STX5: variants seen among roughly 807,000 people sequenced by gnomAD.
STX5 encodes syntaxin 5.
STX5 carries 15 observed loss-of-function variants against 42.9 expected under a neutral mutation model. The ratio of observed to expected loss-of-function variants is 0.35; its 90% CI spans 0.23 to 0.54. The LOEUF (loss-of-function observed/expected upper bound fraction) is 0.54, where lower values mean the gene tolerates loss of function less well. Ranked by LOEUF, STX5 falls within the 20% of genes least tolerant of loss-of-function variation. The pLI, the probability that STX5 is intolerant of heterozygous loss-of-function variation, is 0.91. For synonymous variants in STX5, 184 were observed against 173.2 expected (o/e 1.06, Z -0.49); for missense variants, 430 against 455.0 (o/e 0.95, Z 0.50).
intron 10 of STX5, 85 bp from the exon 11 acceptor site, chr11:62,807,713 G>A: frequency 6.4e-7 from 1 of 1,564,238 alleles, no homozygotes; most frequent in Non-Finnish European, 8.7e-7. Context: ...GACATGGAAA[G>A]ATGGTCACAA....
chr11:62,831,090 G>A lies in STX5; in HGVS notation c.154C>T (p.Pro52Ser). 6.4e-7 allele frequency: 1 copy of A among 1,555,908 alleles called. No individual in the cohort carries two copies. The highest frequency in any genetic ancestry group is 8.7e-7 in the Non-Finnish European group (1 of 1,150,080). Residue 52 changes from proline (P) to serine (S), a missense_variant, in exon 2 of 11, where the codon CCC (proline) becomes TCC (serine). By Grantham distance (74) the Pro-to-Ser change is moderately conservative (BLOSUM62 -1). Transcript: ENST00000294179. Reference sequence around the variant, plus strand: ...CGATCCCGGCAGGACATGGTGTCGGGAGGGGGAGGGACGAGGGTCACTGGG... The same window carrying A: ...CGATCCCGGCAGGACATGGTGTCGGAAGGGGGAGGGACGAGGGTCACTGGG... ...PPPVTLVPPP[P>S]DTMSCRDRTQ...
chr11:62,824,060 T>C, intron 10 of STX5, 106 bp downstream of exon 10: 1 of 1,557,268 alleles, frequency 6.4e-7, no homozygotes. Context: ...GTGGGCAGAA[T>C]TCACTCTATC....
At chr11:62,819,194 CTGGG>C (rs2084709941) in intron 10 of STX5, among the ~76,000 whole-genome samples, 1 of 110,372 alleles carries the variant, frequency 9.1e-6, no homozygotes, top group Admixed American at 1.3e-4. Flanking sequence ...GTACTCCAGC[CTGGG>C]CAACAGAGTG....
intron 10 of STX5, among the ~76,000 whole-genome samples, chr11:62,814,399 G>A (rs2084650129): frequency 6.6e-6 from 1 of 151,964 alleles, no homozygotes; most frequent in Non-Finnish European, 1.5e-5. Context: ...GACCTTAGGT[G>A]ATCCACCCAC....
intron 10 of STX5, among the ~76,000 whole-genome samples, chr11:62,808,506 T>C (rs2084578960): frequency 6.6e-6 from 1 of 151,860 alleles, no homozygotes; most frequent in South Asian, 2.1e-4. Flanking sequence ...CCCAGCACTT[T>C]GGTAGGCCCA....
chr11:62,829,696 C>CA (rs1367272126), intron 2 of STX5, among the ~76,000 whole-genome samples: 1 of 151,772 alleles, frequency 6.6e-6, no homozygotes, highest in Non-Finnish European at 1.5e-5. Flanking sequence ...CCCAGGAGGT[C>CA]AGATGTTGCA....
chr11:62,810,251 G>A (rs1460044137), intron 10 of STX5, among the ~76,000 whole-genome samples: 2 of 152,064 alleles, frequency 1.3e-5, no homozygotes, highest in African/African-American at 2.4e-5. Context: ...AGAACAGCCT[G>A]GGGAATATAG....
intron 10 of STX5, among the ~76,000 whole-genome samples, chr11:62,821,782 C>T (rs981270998): frequency 2.0e-5 from 3 of 151,970 alleles, no homozygotes; most frequent in Non-Finnish European, 2.9e-5. Context: ...AATCCCAGCA[C>T]TTTGGGAAGC....
rs918062234 is a variant in STX5, at chr11:62,824,636, T to G, written c.680-71A>C. ...GGTTCAAAGCCCACATGCTCTGGGT[T>G]TGAATCCCAGCTCTAGCACTTACTA... On this transcript the variant is annotated intron_variant, in intron 8 of 10. Transcript: ENST00000294179. 29 of 1,458,300 alleles carry G rather than the reference T, an allele frequency of 2.0e-5. No individual in the cohort carries two copies. The African/African-American group carries it at 3.6e-4, about 18-fold the overall frequency. 90.3% of individuals were successfully genotyped at this position (1,458,300 alleles called of 1,614,324 possible).
At chr11:62,808,758 T>C (rs1359456305) in intron 10 of STX5, among the ~76,000 whole-genome samples, 3 of 152,188 alleles carry the variant, frequency 2.0e-5, no homozygotes, top group Non-Finnish European at 4.4e-5. Context: ...AGTTAGCACC[T>C]TGAACAAGTG....
chr11:62,814,919 T>C (rs2084657076), intron 10 of STX5, among the ~76,000 whole-genome samples: 1 of 152,058 alleles, frequency 6.6e-6, no homozygotes, highest in Admixed American at 6.5e-5. Context: ...TAAAAAGCTA[T>C]TAAACAGTTT....
intron 10 of STX5, among the ~76,000 whole-genome samples, chr11:62,814,310 C>T (rs992229327): frequency 6.6e-6 from 1 of 152,114 alleles, no homozygotes; most frequent in Admixed American, 6.6e-5. Flanking sequence ...GCATTACAGG[C>T]ATGCACCACC....
At chr11:62,820,866 T>C (rs761213519) in intron 10 of STX5, among the ~76,000 whole-genome samples, 14 of 152,200 alleles carry the variant, frequency 9.2e-5, no homozygotes, top group African/African-American at 1.2e-4. Context: ...TTTGAATTAA[T>C]TGAAATTTTG....
At chr11:62,827,259 G>A in intron 4 of STX5, 34 bp from the exon 5 acceptor site, 2 of 1,613,960 alleles carry the variant, frequency 1.2e-6, no homozygotes, top group East Asian at 2.2e-5. Context: ...CAATGGGTGA[G>A]GTCAAGGACA....
chr11:62,808,436 A>AGG (rs2084577655), intron 10 of STX5, among the ~76,000 whole-genome samples: 2 of 146,248 alleles, frequency 1.4e-5, no homozygotes, highest in African/African-American at 5.4e-5. Context: ...TCAGGGGGAA[A>AGG]AAAAAAAAAA....
rs535914345 is a variant in STX5, at chr11:62,831,494, G to C, written c.-19-232C>G. On this transcript the variant is annotated intron_variant, in intron 1 of 10. Transcript: ENST00000294179. Reference sequence around the variant, plus strand: ...CCAACTTGGCTCTGGCGGCCAGAGCGCGGGCCGGGGACCCTGAAGCAGAGA... The same window carrying C: ...CCAACTTGGCTCTGGCGGCCAGAGCCCGGGCCGGGGACCCTGAAGCAGAGA... 1.2e-4 allele frequency among the ~76,000 whole-genome samples: 18 copies of C among 152,098 alleles called. No homozygotes were observed. In the East Asian group the frequency reaches 2.9e-3, roughly 25 times the overall value.
At position 62,825,525 on chromosome 11, in the gene STX5, G is replaced by A; in HGVS notation, c.438C>T (p.Leu146=). The A allele has an allele frequency of 6.2e-7, 1 of 1,613,640 alleles. No individual in the cohort carries two copies. Among genetic ancestry groups the A allele is most frequent in the African/African-American group, 1.3e-5 (1 of 75,036 alleles). ...TYIIKQDINS[L]NKQIAQLQDF... ...CCTGGAGCTGAGCAATTTGTTTGTTGAGGCTATTGATGTCCTGGTAAAAGA... is the reference window on the plus strand; with the variant it reads ...CCTGGAGCTGAGCAATTTGTTTGTTAAGGCTATTGATGTCCTGGTAAAAGA... The change falls in exon 6 of 11, where the codon CTC becomes CTT. Residue 146 remains leucine, a synonymous_variant. Transcript: ENST00000294179.
At chr11:62,822,783 G>A (rs2084754278) in intron 10 of STX5, among the ~76,000 whole-genome samples, 1 of 151,454 alleles carries the variant, frequency 6.6e-6, no homozygotes, top group African/African-American at 2.4e-5. Flanking sequence ...ACAAGGGCAA[G>A]GATTTTGTCT....
At chr11:62,817,874 T>C (rs1460976586) in intron 10 of STX5, among the ~76,000 whole-genome samples, 1 of 152,108 alleles carries the variant, frequency 6.6e-6, no homozygotes, top group Non-Finnish European at 1.5e-5. Context: ...TGGAAACATA[T>C]ATATGTATAT....
Sources: allele counts gnomAD v4.1 joint callset (sites outside exome capture counted in the v4.1 genomes callset), GRCh38; gene constraint gnomAD v4.1.1; transcripts MANE v1.5; gene names NCBI Gene and HGNC (gene_info 2026-07-23, HGNC 2026-07-21).